The following RAB3C variants were observed in gnomAD, a reference collection of about 807,000 sequenced individuals.
RAB3C encodes the protein ras-related protein Rab-3C.
RAB3C carries 17 observed loss-of-function variants against 26.4 expected under a neutral mutation model. The observed-to-expected ratio is 0.64, with a 90% CI of 0.44 to 0.97. The LOEUF is 0.97. Among genes scored for constraint, RAB3C ranks in the 50% least tolerant of loss-of-function variants. The pLI is 0.00. For missense variants in RAB3C, 242 were observed against 281.9 expected (o/e 0.86, Z 1.01); for synonymous variants, 91 against 95.9 (o/e 0.95, Z 0.30).
At chr5:58,632,439 A>G (rs1322993992) in intron 2 of RAB3C, among the ~76,000 whole-genome samples, 1 of 152,134 alleles carries the variant, frequency 6.6e-6, no homozygotes, top group African/African-American at 2.4e-5. Flanking sequence ...ATTTCTAATA[A>G]ACTTCCCAGG....
intron 2 of RAB3C, among the ~76,000 whole-genome samples, chr5:58,684,924 T>C (rs535316908): frequency 6.6e-6 from 1 of 152,312 alleles, no homozygotes; most frequent in East Asian, 1.9e-4. Flanking sequence ...CTGGGAAACA[T>C]TTGTTACAGA....
At chr5:58,846,598 T>C (rs979461033) in intron 4 of RAB3C, among the ~76,000 whole-genome samples, 1 of 152,058 alleles carries the variant, frequency 6.6e-6, no homozygotes. Context: ...AGGTTGGTCT[T>C]GAACTCCTGA....
At chr5:58,846,992 G>A (rs1156825421) in intron 4 of RAB3C, 1 of 152,046 alleles carries the variant, frequency 6.6e-6, no homozygotes, top group Non-Finnish European at 1.5e-5. Flanking sequence ...ACCCTTTCAG[G>A]ATCAGGCATG....
Position 58,854,079 on chromosome 5 carries a change from C to G in RAB3C, c.*2728C>G, listed in dbSNP as rs147606194. 8.7e-5 allele frequency: 9 copies of G among 103,342 alleles called. No homozygotes were observed. In the East Asian group the frequency reaches 2.1e-3, roughly 25 times the overall value. The allele number at this position is 103,342 out of a possible 1,614,324, so 6.4% of individuals were successfully genotyped here. On this transcript the variant is annotated 3_prime_UTR_variant, in exon 5 of 5. Coordinates refer to ENST00000282878, the MANE Select transcript of RAB3C (RefSeq NM_138453.4). The stretch of plus-strand genomic sequence containing the variant: ...CACACACACACACACACACACTATA[C>G]CATCATCTATCAATAGTCTAAATAC...
rs1425629345 is a variant in RAB3C at position 58,852,861 on chromosome 5, T to A, written c.*1510T>A. On this transcript the variant is annotated 3_prime_UTR_variant, in exon 5 of 5. Coordinates refer to ENST00000282878, the MANE Select transcript of RAB3C (RefSeq NM_138453.4). Reference sequence around the variant, plus strand: ...TTTTTGGTGGTTATGTCAAAGAATTTTTTTCCTCTTCTCAAAAATAGAGAG... The same window carrying A: ...TTTTTGGTGGTTATGTCAAAGAATTATTTTCCTCTTCTCAAAAATAGAGAG... 1.9e-5 allele frequency: 2 copies of A among 104,526 alleles called. No homozygotes were observed. Among genetic ancestry groups the A allele is most frequent in the Non-Finnish European group, 4.3e-5 (2 of 46,362 alleles). 6.5% of individuals were successfully genotyped at this position (104,526 alleles called of 1,614,324 possible). A position where few individuals can be genotyped will look rare whatever the true frequency, so the allele number is the denominator to read the frequency against.
intron 4 of RAB3C, among the ~76,000 whole-genome samples, chr5:58,845,612 ATGTGTGTGTGTG>A (rs1289870360): frequency 6.1e-5 from 5 of 81,714 alleles, no homozygotes; most frequent in African/African-American, 1.7e-4. Context: ...ATATATATAT[ATGTGTGTGTGTG>A]TGTGTGTATA....
intron 3 of RAB3C, among the ~76,000 whole-genome samples, chr5:58,779,264 CT>C: frequency 6.6e-6 from 1 of 151,502 alleles, no homozygotes; most frequent in South Asian, 2.1e-4. Flanking sequence ...TCTGTAACAA[CT>C]CCAAAAAAGG....
intron 3 of RAB3C, among the ~76,000 whole-genome samples, chr5:58,776,313 C>T (rs971533957): frequency 6.6e-6 from 1 of 152,106 alleles, no homozygotes; most frequent in African/African-American, 2.4e-5. Flanking sequence ...CTTTTCCAAA[C>T]TCTTTTGATG....
intron 2 of RAB3C, among the ~76,000 whole-genome samples, chr5:58,673,325 C>T (rs1226516466): frequency 1.3e-5 from 2 of 151,986 alleles, no homozygotes; most frequent in African/African-American, 4.8e-5. Flanking sequence ...CAACCTGATC[C>T]AAAACAAAAT....
Position 58,851,588 on chromosome 5 carries a change from GTTAT to G in RAB3C, c.*244_*247del, listed in dbSNP as rs1258715793. ...AACATCTGGTACCTGCATGTGACTT[GTTAT>G]TTATTTGTCTGCTAGGCTCTTTTTG... On this transcript the variant is annotated 3_prime_UTR_variant, in exon 5 of 5. Transcript: ENST00000282878. 1 of 381,480 alleles carries G rather than the reference GTTAT, an allele frequency of 2.6e-6. No individual in the cohort carries two copies. Among genetic ancestry groups the G allele is most frequent in the Non-Finnish European group, 4.6e-6 (1 of 215,470 alleles). 23.6% of individuals were successfully genotyped at this position (381,480 alleles called of 1,614,324 possible).
At chr5:58,648,620 A>T (rs565238789) in intron 2 of RAB3C, among the ~76,000 whole-genome samples, 31 of 152,356 alleles carry the variant, frequency 2.0e-4, no homozygotes, top group Admixed American at 3.9e-4. Flanking sequence ...GTCTTTGTGG[A>T]ATATTTCATA....
In RAB3C at chr5:58,856,426, A is replaced by G. The variant is rs1400185364; in HGVS notation, c.*5075A>G. On this transcript the variant is annotated 3_prime_UTR_variant, in exon 5 of 5. Coordinates refer to ENST00000282878, the MANE Select transcript of RAB3C (RefSeq NM_138453.4). Reference sequence around the variant, plus strand: ...TCTTTTACTTTCTGACTTTCTTTTAAATTACTGCAGTTTTTCAAAACACTA... The same window carrying G: ...TCTTTTACTTTCTGACTTTCTTTTAGATTACTGCAGTTTTTCAAAACACTA... The G allele has an allele frequency of 6.6e-6, 1 of 151,982 alleles. No individual in the cohort carries two copies. The highest frequency in any genetic ancestry group is 1.5e-5 in the Non-Finnish European group (1 of 68,000). 9.4% of individuals were successfully genotyped at this position (151,982 alleles called of 1,614,324 possible).
intron 1 of RAB3C, among the ~76,000 whole-genome samples, chr5:58,614,122 T>C (rs1746773101): frequency 6.6e-6 from 1 of 152,150 alleles, no homozygotes; most frequent in Admixed American, 6.6e-5. Context: ...ATTAATGCCA[T>C]TTGAAGAGTT....
intron 2 of RAB3C, among the ~76,000 whole-genome samples, chr5:58,680,290 G>A (rs1316133272): frequency 6.6e-6 from 1 of 152,046 alleles, no homozygotes; most frequent in Non-Finnish European, 1.5e-5. Flanking sequence ...AGCTTTGCAA[G>A]GCCATTAGTG....
intron 3 of RAB3C, among the ~76,000 whole-genome samples, chr5:58,792,119 G>A (rs1223634705): frequency 6.6e-6 from 1 of 152,202 alleles, no homozygotes; most frequent in African/African-American, 2.4e-5. Context: ...AGTTGATAAT[G>A]GGAGGGTTTG....
intron 2 of RAB3C, among the ~76,000 whole-genome samples, chr5:58,652,566 A>T (rs1390898000): frequency 6.6e-6 from 1 of 152,028 alleles, no homozygotes; most frequent in Non-Finnish European, 1.5e-5. Context: ...GGCTGCTATT[A>T]TTCCACCAGG....
chr5:58,787,621 G>C (rs1742421188), intron 3 of RAB3C, among the ~76,000 whole-genome samples: 1 of 152,164 alleles, frequency 6.6e-6, no homozygotes, highest in South Asian at 2.1e-4. Context: ...ACAGACCTTA[G>C]AGAGATATAT....
intron 2 of RAB3C, among the ~76,000 whole-genome samples, chr5:58,682,269 T>G (rs1404938535): frequency 2.0e-5 from 3 of 151,996 alleles, no homozygotes; most frequent in Non-Finnish European, 4.4e-5. Flanking sequence ...AACATGAGAG[T>G]GGCAGTAAGG....
At chr5:58,592,107 C>CA (rs1247354918) in intron 1 of RAB3C, among the ~76,000 whole-genome samples, 2 of 151,952 alleles carry the variant, frequency 1.3e-5, no homozygotes, top group Non-Finnish European at 2.9e-5. Flanking sequence ...CCATGTTGGC[C>CA]ACACCCATCT....
Sources: allele counts gnomAD v4.1 joint callset (sites outside exome capture counted in the v4.1 genomes callset), GRCh38; gene constraint gnomAD v4.1.1; transcripts MANE v1.5; gene names NCBI Gene and HGNC (gene_info 2026-07-23, HGNC 2026-07-21).